The following IQSEC1 variants were observed in gnomAD, a reference collection of about 807,000 sequenced individuals.
The protein encoded by IQSEC1 is IQ motif and Sec7 domain ArfGEF 1.
A neutral mutation model predicts 91.0 loss-of-function variants in IQSEC1; 31 were observed. That is an observed-to-expected ratio of 0.34 (90% CI 0.26 to 0.46). IQSEC1 has a LOEUF of 0.46. IQSEC1 is among the 20% of genes least tolerant of loss of function. IQSEC1 has a pLI of 1.00. For missense variants in IQSEC1, 1,388 were observed against 1,575.6 expected, an observed-to-expected ratio of 0.88 and a Z score of 2.02; for synonymous variants, 699 against 662.6, an observed-to-expected ratio of 1.05 and a Z score of -0.84.
In IQSEC1 at chr3:12,936,595, C is replaced by G; in HGVS notation, c.421G>C (p.Glu141Gln). The change falls in exon 3 of 14, where the codon GAG becomes CAG. Residue 141 changes from glutamate (E) to glutamine (Q), a missense_variant. Glu to Gln is a conservative substitution (Grantham distance 29). Transcript: ENST00000613206. Reference sequence around the variant, plus strand: ...TCTGACATGGAGCTGCGCAAGCGCTCGAAGTTCTTGTTCATCTGGTACTGG... The same window carrying G: ...TCTGACATGGAGCTGCGCAAGCGCTGGAAGTTCTTGTTCATCTGGTACTGG... ...FRQYQMNKNF[E>Q]RLRSSMSENR... The G allele has an allele frequency of 1.9e-6, 3 of 1,613,160 alleles. No individual in the cohort carries two copies. The highest frequency in any genetic ancestry group is 1.6e-4 in the Middle Eastern group (1 of 6,062).
At position 13,191,239 on chromosome 3, in the gene IQSEC1, G is replaced by T. The variant is rs150182971; in HGVS notation, c.273-27106C>A. On this transcript the variant is annotated intron_variant, in intron 1 of 15. Transcript: ENST00000648114. ...CTGGCACCACTAAACTCATCTTTCT[G>T]CATCCTCGCTGGGCTGTCCGCCCGA... Among the ~76,000 whole-genome samples, 249 of 152,296 alleles carry T rather than the reference G, an allele frequency of 1.6e-3. 1 individual carries two copies. Among genetic ancestry groups the T allele is most frequent in the African/African-American group, 3.5e-3 (147 of 41,570 alleles).
At chr3:13,128,712 A>C (rs550064782) in intron 2 of IQSEC1, among the ~76,000 whole-genome samples, 23 of 151,914 alleles carry the variant, frequency 1.5e-4, no homozygotes, top group Admixed American at 1.2e-3. Context: ...AAAAATACCA[A>C]CAACAACAAC....
At chr3:13,096,544 G>A (rs944938240) in intron 2 of IQSEC1, among the ~76,000 whole-genome samples, 4 of 152,238 alleles carry the variant, frequency 2.6e-5, no homozygotes, top group African/African-American at 7.2e-5. Context: ...CCACAGAGGA[G>A]GTGCCATATG....
At chr3:13,159,265 C>T (rs1707128786) in intron 2 of IQSEC1, among the ~76,000 whole-genome samples, 1 of 152,046 alleles carries the variant, frequency 6.6e-6, no homozygotes, top group Non-Finnish European at 1.5e-5. Flanking sequence ...CCTGTTTCTA[C>T]TAAAAATATA....
intron 1 of IQSEC1, among the ~76,000 whole-genome samples, chr3:12,989,830 T>C (rs1701906749): frequency 6.6e-6 from 1 of 152,152 alleles, no homozygotes; most frequent in Admixed American, 6.5e-5. Flanking sequence ...TCCCCCATGA[T>C]AAAGATGGGG....
Position 13,239,198 on chromosome 3 carries a change from C to T in IQSEC1, c.272+43513G>A, listed in dbSNP as rs760529328. Among the ~76,000 whole-genome samples, 11 of 152,224 alleles carry T rather than the reference C, an allele frequency of 7.2e-5. No individual in the cohort carries two copies. In the South Asian group the frequency reaches 8.3e-4, roughly 11 times the overall value. On this transcript the variant is annotated intron_variant, in intron 1 of 15. Coordinates refer to the IQSEC1 transcript ENST00000648114. ...CCGGCTGCCCAGGATGTGAGGGCTC[C>T]GGTTTATGCTGGCGGACAGCGGCTC...
chr3:12,980,070 G>A lies in IQSEC1; in HGVS notation c.24-38205C>T, dbSNP rs78723519. ...CACTGTGTGCCTCCTGAGCTGTGCA[G>A]AGAGAAGGAGAGGCGCTTGGGCCCA... On this transcript the variant is annotated intron_variant, in intron 1 of 13. Coordinates refer to ENST00000613206, the MANE Select transcript of IQSEC1 (RefSeq NM_001134382.3). Among the ~76,000 whole-genome samples, 495 of 152,320 alleles carry A rather than the reference G, an allele frequency of 3.2e-3. 4 individuals carry two copies. The highest frequency in any genetic ancestry group is 0.011 in the African/African-American group (466 of 41,574).
At chr3:13,222,506 T>C (rs995054190) in intron 1 of IQSEC1, among the ~76,000 whole-genome samples, 1 of 152,166 alleles carries the variant, frequency 6.6e-6, no homozygotes, top group Non-Finnish European at 1.5e-5. Context: ...CCGGATCATA[T>C]GGGAATTGTA....
intron 2 of IQSEC1, among the ~76,000 whole-genome samples, chr3:13,108,248 C>T (rs972641812): frequency 2.0e-5 from 3 of 152,186 alleles, no homozygotes; most frequent in Admixed American, 2.0e-4. Context: ...GCCCTTATAC[C>T]CACACATGTG....
chr3:13,242,496 G>T (rs1175047731), intron 1 of IQSEC1, among the ~76,000 whole-genome samples: 1 of 152,216 alleles, frequency 6.6e-6, no homozygotes, highest in Non-Finnish European at 1.5e-5. Context: ...GCCACAGCTG[G>T]CTCCATTAGC....
intron 3 of IQSEC1, among the ~76,000 whole-genome samples, chr3:12,927,648 GA>G (rs1003001942): frequency 6.6e-6 from 1 of 152,262 alleles, no homozygotes; most frequent in African/African-American, 2.4e-5. Context: ...ACAGAGGGAA[GA>G]GGGGAAGGTG....
intron 2 of IQSEC1, among the ~76,000 whole-genome samples, chr3:13,104,540 G>A (rs1706115100): frequency 6.6e-6 from 1 of 152,140 alleles, no homozygotes; most frequent in African/African-American, 2.4e-5. Flanking sequence ...CGCTGACCCA[G>A]CACTCGGAAC....
At chr3:13,019,544 G>A (rs1041625298) in intron 1 of IQSEC1, among the ~76,000 whole-genome samples, 3 of 152,262 alleles carry the variant, frequency 2.0e-5, no homozygotes, top group Non-Finnish European at 2.9e-5. Flanking sequence ...GCTGGGATCC[G>A]CAGAGGGCCT....
At position 12,900,026 on chromosome 3, in the gene IQSEC1, G is replaced by GTAACCA. The variant is rs1694073645; in HGVS notation, c.*951_*956dup. On this transcript the variant is annotated 3_prime_UTR_variant, in exon 14 of 14. Transcript: ENST00000613206. ...GCCATTAAAGTGTCTAAGAATCCGT[G>GTAACCA]TAACCAATGTCCTAAGACAACCAGC... 1.0e-5 allele frequency: 10 copies of GTAACCA among 985,390 alleles called. No individual in the cohort carries two copies. Among genetic ancestry groups the GTAACCA allele is most frequent in the Non-Finnish European group, 1.2e-5 (10 of 829,930 alleles). The allele number at this position is 985,390 out of a possible 1,614,324, so 61.0% of individuals were successfully genotyped here.
At chr3:13,113,022 C>CA (rs1706275493) in intron 2 of IQSEC1, among the ~76,000 whole-genome samples, 1 of 152,242 alleles carries the variant, frequency 6.6e-6, no homozygotes, top group South Asian at 2.1e-4. Context: ...GGGTCGCAAG[C>CA]AGACACGCCT....
At chr3:13,055,072 C>A (rs1046270302) in intron 1 of IQSEC1, among the ~76,000 whole-genome samples, 2 of 152,234 alleles carry the variant, frequency 1.3e-5, no homozygotes, top group Non-Finnish European at 1.5e-5. Context: ...CCTGTCCTGG[C>A]TCTGGGCCAC....
intron 1 of IQSEC1, among the ~76,000 whole-genome samples, chr3:13,276,977 T>A (rs965855076): frequency 1.3e-5 from 2 of 151,918 alleles, no homozygotes; most frequent in Admixed American, 1.3e-4. Flanking sequence ...TCTCCCCTAT[T>A]CCAGTTCTTG....
intron 1 of IQSEC1, among the ~76,000 whole-genome samples, chr3:13,205,088 G>A (rs1181109477): frequency 2.6e-5 from 4 of 151,550 alleles, no homozygotes; most frequent in Non-Finnish European, 4.4e-5. Flanking sequence ...GTGAGCCACC[G>A]CGCCTGGCCC....
intron 1 of IQSEC1, among the ~76,000 whole-genome samples, chr3:13,198,049 C>G (rs550642347): frequency 6.6e-6 from 1 of 152,308 alleles, no homozygotes; most frequent in African/African-American, 2.4e-5. Context: ...TGTGGGCACG[C>G]AGGGTCTGAA....
Sources: gnomAD v4.1 joint callset for allele counts (sites outside exome capture counted in the v4.1 genomes callset) on GRCh38, gnomAD v4.1.1 for gene constraint, MANE v1.5 for transcripts, NCBI Gene and HGNC (gene_info 2026-07-23, HGNC 2026-07-21) for gene names.